The following ANO3 variants were observed in gnomAD, a reference collection of about 807,000 sequenced individuals.
The protein encoded by ANO3 is anoctamin-3.
ANO3 carries 99 observed loss-of-function variants against 144.8 expected under a neutral mutation model. That is an observed-to-expected ratio of 0.68 (90% CI 0.58 to 0.81). The LOEUF is 0.81. Among genes scored for constraint, ANO3 ranks in the 30% least tolerant of loss-of-function variants. The pLI, the probability that ANO3 is intolerant of heterozygous loss-of-function variation, is 0.00. For missense variants in ANO3, 905 were observed against 1,202.2 expected, an observed-to-expected ratio of 0.75 and a Z score of 3.66; for synonymous variants, 414 against 392.6, an observed-to-expected ratio of 1.05 and a Z score of -0.64.
intron 1 of ANO3, among the ~76,000 whole-genome samples, chr11:26,198,464 G>A (rs982057917): frequency 2.6e-5 from 4 of 152,088 alleles, no homozygotes; most frequent in Admixed American, 1.3e-4. Context: ...AAGTAGAAGC[G>A]TTCTGGCCTT....
intron 13 of ANO3, among the ~76,000 whole-genome samples, chr11:26,557,061 T>G (rs1310848510): frequency 1.3e-5 from 2 of 152,168 alleles, no homozygotes; most frequent in African/African-American, 2.4e-5. Context: ...TCACACTCAG[T>G]TCTTCAAGAG....
intron 4 of ANO3, among the ~76,000 whole-genome samples, chr11:26,487,299 C>T (rs1860491497): frequency 6.6e-6 from 1 of 152,152 alleles, no homozygotes. Context: ...TTGCTTCTTC[C>T]TCATTTTTCT....
In ANO3 at chr11:26,225,368, C is replaced by T. The variant is rs144429765; in HGVS notation, c.154+36038C>T. On this transcript the variant is annotated intron_variant, in intron 1 of 27. Transcript: ENST00000672621. ...TTAGAGTGAGACAAGTAAATTACTA[C>T]AATTACTTTTTTAGAAAGCTGACAA... is the stretch of plus-strand genomic sequence containing the variant. Among the ~76,000 whole-genome samples the T allele has an allele frequency of 3.1e-3, 467 of 152,046 alleles. 5 individuals carry two copies. The highest frequency in any genetic ancestry group is 9.6e-3 in the African/African-American group (399 of 41,506).
Position 26,256,187 on chromosome 11 carries a change from C to T in ANO3, c.155-53458C>T, listed in dbSNP as rs374636265. On this transcript the variant is annotated intron_variant, in intron 1 of 27. Transcript: ENST00000672621. ...TGGCCTCTTTGGATTGAAATCACTA[C>T]TTGGTTTTTTGAAAATGTCTTAGCA... Among the ~76,000 whole-genome samples the T allele has an allele frequency of 4.7e-4, 72 of 152,242 alleles. 1 individual carries two copies. In the East Asian group the frequency reaches 9.3e-3, roughly 20 times the overall value.
rs1360162350 is a variant in ANO3 at position 26,660,486 on chromosome 11, A to G, written c.*42A>G. 6.5e-7 allele frequency: 1 copy of G among 1,534,480 alleles called. No homozygotes were observed. Among genetic ancestry groups the G allele is most frequent in the Non-Finnish European group, 8.8e-7 (1 of 1,141,678 alleles). On this transcript the variant is annotated 3_prime_UTR_variant, in exon 27 of 27. Coordinates refer to ENST00000256737, the MANE Select transcript of ANO3 (RefSeq NM_031418.4). ...ATTAGGGGTGATAACATTAATGGGAAGAAATGATGGCAACTTTGAATGCTA... is the reference window on the plus strand; with the variant it reads ...ATTAGGGGTGATAACATTAATGGGAGGAAATGATGGCAACTTTGAATGCTA...
At chr11:26,589,590 C>A (rs2132887070) in intron 14 of ANO3, among the ~76,000 whole-genome samples, 1 of 152,192 alleles carries the variant, frequency 6.6e-6, no homozygotes, top group African/African-American at 2.4e-5. Flanking sequence ...AACAGTCACT[C>A]CCTATTTTCC....
intron 1 of ANO3, among the ~76,000 whole-genome samples, chr11:26,250,854 C>T (rs1470259503): frequency 6.6e-6 from 1 of 152,194 alleles, no homozygotes; most frequent in African/African-American, 2.4e-5. Context: ...GTCAAAAATG[C>T]ATTTAGTACA....
intron 1 of ANO3, among the ~76,000 whole-genome samples, chr11:26,192,670 A>C (rs1347860168): frequency 6.6e-6 from 1 of 152,208 alleles, no homozygotes. Context: ...AGCTCAAAGA[A>C]GTAATGTAAT....
intron 1 of ANO3, among the ~76,000 whole-genome samples, chr11:26,284,991 T>C (rs1564948666): frequency 6.6e-6 from 1 of 152,238 alleles, no homozygotes; most frequent in Non-Finnish European, 1.5e-5. Context: ...TCTCTAAATA[T>C]ACTTGAATCA....
At chr11:26,560,417 C>T (rs1850241477) in intron 14 of ANO3, 1 of 152,108 alleles carries the variant, frequency 6.6e-6, no homozygotes, top group Non-Finnish European at 1.5e-5. Context: ...CTATTACTTT[C>T]CTGGGTAGGG....
At chr11:26,433,468 T>G (rs966495012) in intron 1 of ANO3, among the ~76,000 whole-genome samples, 1 of 152,176 alleles carries the variant, frequency 6.6e-6, no homozygotes, top group African/African-American at 2.4e-5. Flanking sequence ...CCTTGCCTTG[T>G]GCTTGTTTTC....
At chr11:26,444,220 T>A (rs1858627190) in intron 3 of ANO3, among the ~76,000 whole-genome samples, 1 of 152,204 alleles carries the variant, frequency 6.6e-6, no homozygotes, top group Non-Finnish European at 1.5e-5. Flanking sequence ...ATTTTATTTA[T>A]TTTTCCTATA....
intron 1 of ANO3, among the ~76,000 whole-genome samples, chr11:26,392,896 A>C (rs1856918298): frequency 1.3e-5 from 2 of 152,120 alleles, no homozygotes; most frequent in African/African-American, 4.8e-5. Context: ...TCATCCTTAA[A>C]ATAGGAATAA....
At chr11:26,640,559 G>C (rs542278261) in intron 21 of ANO3, among the ~76,000 whole-genome samples, 6 of 152,298 alleles carry the variant, frequency 3.9e-5, no homozygotes, top group Non-Finnish European at 7.4e-5. Flanking sequence ...TACTCCATAA[G>C]TATCAACAAG....
At chr11:26,624,738 A>G (rs996994820) in intron 18 of ANO3, among the ~76,000 whole-genome samples, 1 of 152,090 alleles carries the variant, frequency 6.6e-6, no homozygotes, top group Non-Finnish European at 1.5e-5. Flanking sequence ...CCTACTTAGG[A>G]GTGCTTGCTT....
Position 26,296,577 on chromosome 11 carries a change from G to C in ANO3, c.155-13068G>C, listed in dbSNP as rs533014796. The stretch of plus-strand genomic sequence containing the variant: ...CCATGAGACTTGAATATTTTACTGA[G>C]GTTAGGGGTTAGGAAAAAAGGGGGT... On this transcript the variant is annotated intron_variant, in intron 1 of 27. Coordinates refer to the ANO3 transcript ENST00000672621. Among the ~76,000 whole-genome samples the C allele has an allele frequency of 2.6e-5, 4 of 152,212 alleles. No homozygotes were observed. In the East Asian group the frequency reaches 7.7e-4, roughly 29 times the overall value.
chr11:26,614,052 T>A (rs1012172003), intron 17 of ANO3, among the ~76,000 whole-genome samples: 3 of 152,192 alleles, frequency 2.0e-5, no homozygotes, highest in Non-Finnish European at 4.4e-5. Flanking sequence ...TGCATGCACT[T>A]GGGCCAGGCA....
chr11:26,472,307 G>T (rs895913199), intron 4 of ANO3, among the ~76,000 whole-genome samples: 10 of 152,014 alleles, frequency 6.6e-5, no homozygotes, highest in African/African-American at 1.9e-4. Flanking sequence ...TAATAATAAT[G>T]TTAAATGATT....
intron 5 of ANO3, among the ~76,000 whole-genome samples, chr11:26,511,884 A>C (rs1165831717): frequency 2.0e-5 from 3 of 152,146 alleles, no homozygotes; most frequent in Non-Finnish European, 4.4e-5. Context: ...GGGAGGAAGG[A>C]ATATTTTTCA....
Sources: allele counts gnomAD v4.1 joint callset (sites outside exome capture counted in the v4.1 genomes callset), GRCh38; gene constraint gnomAD v4.1.1; transcripts MANE v1.5; gene names NCBI Gene and HGNC (gene_info 2026-07-23, HGNC 2026-07-21).